Variants in CHEK1 observed in about 807,000 individuals in gnomAD.
CHEK1 encodes checkpoint kinase 1, also known as serine/threonine-protein kinase Chk1.
CHEK1 carries 32 observed loss-of-function variants against 60.2 expected under a neutral mutation model. The observed-to-expected ratio is 0.53, with a 90% confidence interval of 0.40 to 0.71. CHEK1 has a LOEUF of 0.71. Ranked by LOEUF, CHEK1 falls within the 30% of genes least tolerant of loss-of-function variation. The probability of loss-of-function intolerance (pLI) is 0.00; values close to 1 mark genes in which losing one functional copy is unlikely to be tolerated. For synonymous variants in CHEK1, 179 were observed against 187.2 expected, an observed-to-expected ratio of 0.96 and a Z score of 0.36; for missense variants, 399 against 564.6, an observed-to-expected ratio of 0.71 and a Z score of 2.97.
At chr11:125,678,954 T>TA (rs1171041691), downstream of CHEK1, among the ~76,000 whole-genome samples, 888 of 82,960 alleles carry the variant, frequency 0.011, 17 homozygotes, top group African/African-American at 0.035. Context: ...GCTATTAAGG[T>TA]AAAAAAAAAA....
In CHEK1 at chr11:125,625,826, C is replaced by T. The variant is rs1230607374; in HGVS notation, c.-207C>T. On this transcript the variant is annotated 5_prime_UTR_variant, in exon 1 of 13. Transcript: ENST00000438015. ...TCCCCGACTGCAAAGCAGCCCTGGG[C>T]GGGAGCGGCAACATCTCCACGTCAC... is the stretch of plus-strand genomic sequence containing the variant. The T allele has an allele frequency of 1.4e-6, 1 of 702,610 alleles. No individual in the cohort carries two copies. The highest frequency in any genetic ancestry group is 2.6e-6 in the Non-Finnish European group (1 of 384,978). 43.5% of individuals were successfully genotyped at this position (702,610 alleles called of 1,614,324 possible).
At chr11:125,679,371 C>T (rs981041546), downstream of CHEK1, among the ~76,000 whole-genome samples, 7 of 151,970 alleles carry the variant, frequency 4.6e-5, no homozygotes, top group African/African-American at 1.7e-4. Context: ...GTGCATGCCA[C>T]CATACCTGGC....
In CHEK1 at chr11:125,632,127, C is replaced by G. The variant is rs551515517; in HGVS notation, c.425-1036C>G. Among the ~76,000 whole-genome samples, 982 of 152,142 alleles carry G rather than the reference C, an allele frequency of 6.5e-3. 8 individuals carry two copies. Among genetic ancestry groups the G allele is most frequent in the African/African-American group, 0.023 (937 of 41,512 alleles). ...CTATAATATTTTTTATGCCATTAGC[C>G]TTTTTGTCCCACTTACACACTATTT... On this transcript the variant is annotated intron_variant, in intron 5 of 12. Coordinates refer to ENST00000438015, the MANE Select transcript of CHEK1 (RefSeq NM_001114122.3).
At chr11:125,643,982 A>G in intron 9 of CHEK1, 82 bp downstream of exon 9, 2 of 1,527,028 alleles carry the variant, frequency 1.3e-6, no homozygotes, top group Non-Finnish European at 9.0e-7. Flanking sequence ...TTTCATAATA[A>G]TCGACATTAA....
chr11:125,674,868 C>G (rs1565394300), intron 13 of CHEK1, among the ~76,000 whole-genome samples: 1 of 152,206 alleles, frequency 6.6e-6, no homozygotes, highest in Non-Finnish European at 1.5e-5. Flanking sequence ...TCAGCTGGCT[C>G]CAGTCAACCT....
chr11:125,658,685 CTTT>C (rs67342073), downstream of CHEK1, among the ~76,000 whole-genome samples: 63 of 34,876 alleles, frequency 1.8e-3, 1 homozygote, highest in South Asian at 7.6e-3. Context: ...ATGGCTTTTG[CTTT>C]TTTTTTTTTT....
intron 9 of CHEK1, 24 bp downstream of exon 9, chr11:125,643,924 G>A (rs113762988): frequency 6.3e-7 from 1 of 1,590,628 alleles, no homozygotes; most frequent in African/African-American, 1.3e-5. Context: ...AGATTGAGTA[G>A]TTTTTGATTG....
At chr11:125,665,842 AT>A (rs1267698952) in intron 13 of CHEK1, among the ~76,000 whole-genome samples, 2 of 46,014 alleles carry the variant, frequency 4.3e-5, no homozygotes, top group African/African-American at 1.7e-4. Flanking sequence ...TTCATCTCTG[AT>A]TTTATTTATT....
At position 125,653,889 on chromosome 11, in the gene CHEK1, C is replaced by A; in HGVS notation, c.1335+42C>A. On this transcript the variant is annotated intron_variant, in intron 12 of 12. Transcript: ENST00000438015. This position sits in a 1 kb window ranked among gnomAD's most constrained non-coding sequence, Gnocchi z 4.3. ...TTGTATTCTTTCTATGGAAATATTT[C>A]TATATGAATTTTTTTAATGGCATTA... is the stretch of plus-strand genomic sequence containing the variant. 8.3e-7 allele frequency: 1 copy of A among 1,199,746 alleles called. No individual in the cohort carries two copies. The highest frequency in any genetic ancestry group is 1.2e-6 in the Non-Finnish European group (1 of 846,814). The allele number at this position is 1,199,746 out of a possible 1,614,324, so 74.3% of individuals were successfully genotyped here. A position where few individuals can be genotyped will look rare whatever the true frequency, so the allele number is the denominator to read the frequency against.
Position 125,653,400 on chromosome 11 carries a change from G to A in CHEK1, c.1234-346G>A, listed in dbSNP as rs1271303823. 6.6e-6 allele frequency among the ~76,000 whole-genome samples: 1 copy of A among 152,144 alleles called. No individual in the cohort carries two copies. The highest frequency in any genetic ancestry group is 2.4e-5 in the African/African-American group (1 of 41,436). On this transcript the variant is annotated intron_variant, in intron 11 of 12. Coordinates refer to ENST00000438015, the MANE Select transcript of CHEK1 (RefSeq NM_001114122.3). This position sits in a 1 kb window ranked among gnomAD's most constrained non-coding sequence, Gnocchi z 4.3. The stretch of plus-strand genomic sequence containing the variant: ...CGCTAATTTTTTGGGAATTTTAGTA[G>A]AGATGAGGTATCGATATGTTGCCCA...
In CHEK1 at chr11:125,640,397, C is replaced by T. The variant is rs573012070; in HGVS notation, c.814+2853C>T. ...TCTACTAAAAATACAAAAAATTAGCCGGGCGAGGTGGCGGTCGCCTGTAGT... is the reference window on the plus strand; with the variant it reads ...TCTACTAAAAATACAAAAAATTAGCTGGGCGAGGTGGCGGTCGCCTGTAGT... On this transcript the variant is annotated intron_variant, in intron 8 of 12. Transcript: ENST00000438015. Among the ~76,000 whole-genome samples, 71 of 151,972 alleles carry T rather than the reference C, an allele frequency of 4.7e-4. No individual in the cohort carries two copies. In the South Asian group the frequency reaches 5.8e-3, roughly 12 times the overall value.
chr11:125,669,522 CTTTTTTTTTTT>C (rs67333022), intron 13 of CHEK1, among the ~76,000 whole-genome samples: 1 of 114,702 alleles, frequency 8.7e-6, no homozygotes, highest in Admixed American at 9.2e-5. Flanking sequence ...TTCTTTTTTC[CTTTTTTTTTTT>C]TTTTTTTTGT....
chr11:125,672,827 C>A, intron 13 of CHEK1: 1 of 1,316,710 alleles, frequency 7.6e-7, no homozygotes. Flanking sequence ...CTCCACTTGT[C>A]CATTATCCCT....
downstream of CHEK1, among the ~76,000 whole-genome samples, chr11:125,661,756 ACAAT>A (rs1267493564): frequency 6.6e-6 from 1 of 151,998 alleles, no homozygotes; most frequent in South Asian, 2.1e-4. Flanking sequence ...CCTCTTTCTG[ACAAT>A]CAAAGATCTT....
At chr11:125,628,059 G>T (rs1213210866) in intron 3 of CHEK1, among the ~76,000 whole-genome samples, 1 of 152,158 alleles carries the variant, frequency 6.6e-6, no homozygotes, top group Non-Finnish European at 1.5e-5. Flanking sequence ...TTTGATTTAA[G>T]ATTGGTGTCT....
intron 13 of CHEK1, chr11:125,675,880 A>G (rs758612072): frequency 6.4e-6 from 1 of 156,622 alleles, no homozygotes; most frequent in Non-Finnish European, 1.4e-5. Flanking sequence ...CTGGTGGTAG[A>G]ATAAAGAATT....
At chr11:125,641,997 C>T (rs1328509038) in intron 8 of CHEK1, among the ~76,000 whole-genome samples, 5 of 152,146 alleles carry the variant, frequency 3.3e-5, no homozygotes, top group Admixed American at 1.3e-4. Context: ...ACCTCTCCAA[C>T]CTCAGTTCTG....
In CHEK1 at chr11:125,627,731, C is replaced by A. The variant is rs751719325; in HGVS notation, c.190C>A (p.His64Asn). The A allele has an allele frequency of 6.2e-7, 1 of 1,613,676 alleles. No individual in the cohort carries two copies. The highest frequency in any genetic ancestry group is 8.5e-7 in the Non-Finnish European group (1 of 1,179,786). Residue 64 changes from histidine (H) to asparagine (N), a missense_variant, in exon 3 of 13, where the codon CAT becomes AAT. Around this residue, in one of 2 missense-constraint regions of CHEK1, gnomAD observed 370 missense variants for 494.8 expected, o/e 0.75. Coordinates refer to ENST00000438015, the MANE Select transcript of CHEK1 (RefSeq NM_001114122.3). Reference sequence around the variant, plus strand: ...GATCTGTATCAATAAAATGCTAAATCATGAAAATGTAGTAAAATTCTATGG... The same window carrying A: ...GATCTGTATCAATAAAATGCTAAATAATGAAAATGTAGTAAAATTCTATGG... ...KEICINKMLN[H>N]ENVVKFYGHR...
chr11:125,669,464 A>G (rs911116285), intron 13 of CHEK1, among the ~76,000 whole-genome samples: 1 of 150,676 alleles, frequency 6.6e-6, no homozygotes, highest in African/African-American at 2.4e-5. Flanking sequence ...TTTCTCTTTG[A>G]ATTTCAGTAA....
Sources: gnomAD v4.1 joint callset for allele counts (sites outside exome capture counted in the v4.1 genomes callset) on GRCh38, gnomAD v4.1.1 for gene constraint, gnomAD v4.1.1 regional missense constraint, Gnocchi (gnomAD v3.1) non-coding constraint, MANE v1.5 for transcripts, NCBI Gene and HGNC (gene_info 2026-07-23, HGNC 2026-07-21) for gene names.